Variants in XPO7 observed in about 807,000 individuals in gnomAD.
XPO7 encodes exportin-7.
A neutral mutation model predicts 144.3 loss-of-function variants in XPO7; 21 were observed. That is an observed-to-expected ratio of 0.15 (90% CI 0.10 to 0.21). The LOEUF (loss-of-function observed/expected upper bound fraction) is 0.21. Among genes scored for constraint, XPO7 ranks in the 10% least tolerant of loss-of-function variants. The pLI is 1.00. For missense variants in XPO7, 808 were observed against 1,325.8 expected (o/e 0.61, Z 6.06); for synonymous variants, 580 against 499.6 (o/e 1.16, Z -2.15).
rs1191362387 is a variant in XPO7, at chr8:21,987,185, C to A, written c.1622C>A (p.Ala541Glu). The stretch of plus-strand genomic sequence containing the variant: ...CTAACAGATTCTCGTTTGGCCCAGG[C>A]GGGTAATGAGAAGCTAGAGTTGGCC... ...MNLTDSRLAQ[A>E]GNEKLELAML... The change falls in exon 14 of 28, where the codon GCG becomes GAG. Residue 541 changes from alanine (A) to glutamate (E), a missense_variant. Physicochemically the swap from Ala to Glu is moderately radical, Grantham distance 107 (BLOSUM62 -1). Around this residue, in one of 5 missense-constraint regions of XPO7, gnomAD observed 416 missense variants for 612.5 expected, o/e 0.68. Transcript: ENST00000252512. 1 of 1,613,864 alleles carries A rather than the reference C, an allele frequency of 6.2e-7. No homozygotes were observed. The highest frequency in any genetic ancestry group is 8.5e-7 in the Non-Finnish European group (1 of 1,179,894).
intron 18 of XPO7, 82 bp from the exon 19 acceptor site, chr8:21,991,786 C>G: frequency 8.9e-7 from 1 of 1,124,928 alleles, no homozygotes; most frequent in East Asian, 2.8e-5. Context: ...TGGGTTTGCT[C>G]CTCTTTCATC....
chr8:21,968,036 A>G (rs1811942249), intron 2 of XPO7, among the ~76,000 whole-genome samples: 1 of 152,184 alleles, frequency 6.6e-6, no homozygotes, highest in African/African-American at 2.4e-5. Flanking sequence ...ATCCTCAAAC[A>G]GCTTCCCAGT....
At chr8:21,967,629 G>A (rs193215026) in intron 2 of XPO7, among the ~76,000 whole-genome samples, 295 of 152,078 alleles carry the variant, frequency 1.9e-3, no homozygotes, top group African/African-American at 6.6e-3. Context: ...CACCACACCC[G>A]GCCAATAAAT....
chr8:21,959,265 C>G (rs1326139416), intron 1 of XPO7, among the ~76,000 whole-genome samples: 2 of 152,130 alleles, frequency 1.3e-5, no homozygotes, highest in Non-Finnish European at 2.9e-5. Flanking sequence ...TGCGCTCATG[C>G]AAGCAATAAA....
intron 6 of XPO7, 132 bp downstream of exon 6, chr8:21,974,906 T>C (rs1386923842): frequency 1.4e-6 from 1 of 719,100 alleles, no homozygotes. Flanking sequence ...ATCTCTTATA[T>C]AAGACTCATA....
chr8:22,006,369 TC>T lies in XPO7; in HGVS notation c.*1282del, dbSNP rs1374238212. ...GCTGCTAGTTGTACACATCTCTAGT[TC>T]AGCTCTTGCCCACGGGACACTCATC... On this transcript the variant is annotated 3_prime_UTR_variant, in exon 28 of 28. Transcript: ENST00000252512. 6.6e-6 allele frequency: 1 copy of T among 152,246 alleles called. No homozygotes were observed. The highest frequency in any genetic ancestry group is 1.9e-4 in the East Asian group (1 of 5,206). The allele number at this position is 152,246 out of a possible 1,614,324, so 9.4% of individuals were successfully genotyped here.
intron 8 of XPO7, 115 bp from the exon 9 acceptor site, chr8:21,979,969 A>G: frequency 8.1e-7 from 1 of 1,233,624 alleles, no homozygotes; most frequent in Non-Finnish European, 1.1e-6. Flanking sequence ...CTCTTTTTAA[A>G]ATAATGTTGC....
chr8:21,967,209 T>G (rs1811913631), intron 2 of XPO7, among the ~76,000 whole-genome samples: 1 of 152,236 alleles, frequency 6.6e-6, no homozygotes, highest in African/African-American at 2.4e-5. Flanking sequence ...TGAACATGCA[T>G]TTCTGTTCTG....
intron 1 of XPO7, among the ~76,000 whole-genome samples, chr8:21,960,772 C>G (rs535358662): frequency 4.2e-4 from 64 of 152,294 alleles, no homozygotes; most frequent in African/African-American, 1.5e-3. Context: ...TCCTGAGAAA[C>G]TAATGGGAGT....
At chr8:21,950,305 A>G (rs1811325204) in intron 1 of XPO7, among the ~76,000 whole-genome samples, 1 of 152,232 alleles carries the variant, frequency 6.6e-6, no homozygotes, top group Non-Finnish European at 1.5e-5. Context: ...TGTTTCATAG[A>G]CGTTCAAGGA....
intron 2 of XPO7, among the ~76,000 whole-genome samples, chr8:21,967,214 G>A (rs1811913800): frequency 6.6e-6 from 1 of 152,156 alleles, no homozygotes; most frequent in Admixed American, 6.5e-5. Context: ...ATGCATTTCT[G>A]TTCTGTAATT....
intron 18 of XPO7, 79 bp downstream of exon 18, chr8:21,990,998 G>A (rs1393507834): frequency 2.3e-6 from 3 of 1,303,308 alleles, no homozygotes; most frequent in East Asian, 4.6e-5. Flanking sequence ...AAAACTAGAT[G>A]TTGGGGAGGC....
In XPO7 at chr8:21,985,609, A is replaced by G. The variant is rs920610372; in HGVS notation, c.1495A>G (p.Ile499Val). ...AGGAAGGCTGACATGGCTGGTTTAC[A>G]TTATTGGAGCAGTGATCGGTGGCCG... ...QEGRLTWLVY[I>V]IGAVIGGRVS... Residue 499 changes from isoleucine to valine, a missense_variant, in exon 13 of 28, where the codon ATT becomes GTT. Coordinates refer to ENST00000252512, the MANE Select transcript of XPO7 (RefSeq NM_015024.5). 1 of 1,613,972 alleles carries G rather than the reference A, an allele frequency of 6.2e-7. No homozygotes were observed. Among genetic ancestry groups the G allele is most frequent in the Middle Eastern group, 1.7e-4 (1 of 6,032 alleles).
At position 21,935,481 on chromosome 8, in the gene XPO7, G is replaced by T. The variant is rs367618751; in HGVS notation, c.18+15693G>T. ...TTCTAGTTTTAAGCTTGATGTTCAG[G>T]TATCTTTCCAGTACTCCCTCCTTTC... On this transcript the variant is annotated intron_variant, in intron 1 of 27. Coordinates refer to ENST00000252512, the MANE Select transcript of XPO7 (RefSeq NM_015024.5). Among the ~76,000 whole-genome samples the T allele has an allele frequency of 4.6e-5, 7 of 152,152 alleles. No homozygotes were observed. In the East Asian group the frequency reaches 7.7e-4, roughly 17 times the overall value.
intron 18 of XPO7, 39 bp from the exon 19 acceptor site, chr8:21,991,829 T>G: frequency 6.6e-7 from 1 of 1,522,566 alleles, no homozygotes; most frequent in Non-Finnish European, 8.9e-7. Flanking sequence ...CTTTGAATTC[T>G]TGGTATTGGG....
At chr8:21,932,795 A>G (rs1484356107) in intron 1 of XPO7, among the ~76,000 whole-genome samples, 3 of 152,236 alleles carry the variant, frequency 2.0e-5, no homozygotes, top group Non-Finnish European at 4.4e-5. Flanking sequence ...GCTAGTCGTC[A>G]ACTGTAGGCT....
chr8:21,934,489 C>T (rs1432935529), intron 1 of XPO7, among the ~76,000 whole-genome samples: 6 of 151,828 alleles, frequency 4.0e-5, no homozygotes, highest in Admixed American at 2.6e-4. Context: ...GCCGAGATTG[C>T]GCCACTGCAC....
chr8:21,942,003 A>G (rs927673235), intron 1 of XPO7, among the ~76,000 whole-genome samples: 3 of 152,240 alleles, frequency 2.0e-5, no homozygotes, highest in African/African-American at 7.2e-5. Flanking sequence ...AGTGATTCCT[A>G]TAAAAGTCGG....
intron 1 of XPO7, among the ~76,000 whole-genome samples, chr8:21,927,647 GC>G (rs1810503805): frequency 6.7e-6 from 1 of 149,818 alleles, no homozygotes; most frequent in Non-Finnish European, 1.5e-5. Flanking sequence ...CCGGGTTCAA[GC>G]AGTTCTCCTG....
Sources: gnomAD v4.1 joint callset for allele counts (sites outside exome capture counted in the v4.1 genomes callset) on GRCh38, gnomAD v4.1.1 for gene constraint, gnomAD v4.1.1 regional missense constraint, MANE v1.5 for transcripts, NCBI Gene and HGNC (gene_info 2026-07-23, HGNC 2026-07-21) for gene names.